Variants in TTLL5 observed in about 807,000 individuals in gnomAD.
The protein encoded by TTLL5 is tubulin tyrosine ligase like 5.
In TTLL5, 132 loss-of-function variants were observed where a neutral mutation model predicts 168.4. The observed-to-expected ratio is 0.78, with a 90% CI of 0.68 to 0.91. TTLL5 has a LOEUF of 0.91. Ranked by LOEUF, TTLL5 falls within the 40% of genes least tolerant of loss-of-function variation. The probability of loss-of-function intolerance (pLI) is 0.00; values close to 1 mark genes in which losing one functional copy is unlikely to be tolerated. For synonymous variants in TTLL5, 546 were observed against 558.6 expected (o/e 0.98, Z 0.32); for missense variants, 1,545 against 1,581.5 (o/e 0.98, Z 0.39).
chr14:75,934,114 G>C (rs765943550), intron 31 of TTLL5, among the ~76,000 whole-genome samples: 41 of 152,224 alleles, frequency 2.7e-4, no homozygotes, highest in Non-Finnish European at 2.5e-4. Context: ...AAAGCCATGA[G>C]AGCCTGAGAA....
At chr14:75,713,748 C>T (rs1887251754) in intron 9 of TTLL5, among the ~76,000 whole-genome samples, 1 of 152,162 alleles carries the variant, frequency 6.6e-6, no homozygotes, top group African/African-American at 2.4e-5. Flanking sequence ...TTAGTGCCAG[C>T]AGCTGATACT....
intron 31 of TTLL5, among the ~76,000 whole-genome samples, chr14:75,904,731 A>G (rs569736730): frequency 6.6e-5 from 10 of 152,144 alleles, no homozygotes; most frequent in Admixed American, 6.5e-4. Context: ...ATTCTTCTTC[A>G]TTGTTTAGGT....
chr14:75,772,004 A>G (rs1206348649), intron 21 of TTLL5, 150 bp downstream of exon 21: 2 of 900,946 alleles, frequency 2.2e-6, no homozygotes, highest in South Asian at 2.0e-5. Flanking sequence ...TTATAAATCT[A>G]TACTTACAAG....
intron 6 of TTLL5, among the ~76,000 whole-genome samples, chr14:75,696,057 A>G (rs1337252085): frequency 6.6e-6 from 1 of 151,506 alleles, no homozygotes; most frequent in Non-Finnish European, 1.5e-5. Flanking sequence ...ATGCCTGGCT[A>G]ATTTTTTTAT....
At chr14:75,877,574 G>A (rs528665477) in intron 29 of TTLL5, among the ~76,000 whole-genome samples, 1 of 152,352 alleles carries the variant, frequency 6.6e-6, no homozygotes, top group South Asian at 2.1e-4. Context: ...TATGCTGAGT[G>A]TATGTTGACT....
chr14:75,798,228 C>T (rs186417612), intron 27 of TTLL5, among the ~76,000 whole-genome samples: 38 of 152,108 alleles, frequency 2.5e-4, no homozygotes, highest in South Asian at 4.2e-4. Context: ...AGTTTGTGCA[C>T]GTAAAGGTGT....
chr14:75,814,260 T>A (rs944369041), intron 27 of TTLL5, among the ~76,000 whole-genome samples: 1 of 152,236 alleles, frequency 6.6e-6, no homozygotes, highest in Non-Finnish European at 1.5e-5. Flanking sequence ...AGTGGTGCTG[T>A]CTCTTCATGT....
chr14:75,745,584 G>A lies in TTLL5; in HGVS notation c.1487+3G>A. 6.2e-7 allele frequency: 1 copy of A among 1,612,660 alleles called. No homozygotes were observed. The highest frequency in any genetic ancestry group is 8.5e-7 in the Non-Finnish European group (1 of 1,179,074). On this transcript the variant is annotated splice_donor_region_variant and intron_variant, in intron 17 of 31. Coordinates refer to ENST00000298832, the MANE Select transcript of TTLL5 (RefSeq NM_015072.5). ...TCTGAGACATGGGAAATATATGGGT[G>A]AGGTGACTACCTTTTTTTTTTATTC...
chr14:75,865,751 G>T (rs1341366211), intron 29 of TTLL5, among the ~76,000 whole-genome samples: 3 of 152,124 alleles, frequency 2.0e-5, no homozygotes, highest in Non-Finnish European at 4.4e-5. Flanking sequence ...TACTATTCTT[G>T]TGTGGAATTT....
intron 14 of TTLL5, 92 bp downstream of exon 14, chr14:75,734,142 T>A: frequency 8.4e-7 from 1 of 1,189,012 alleles, no homozygotes; most frequent in Non-Finnish European, 1.3e-6. Flanking sequence ...AACTGGCAGG[T>A]CCTAAGCCAT....
intron 29 of TTLL5, among the ~76,000 whole-genome samples, chr14:75,864,415 T>A (rs916503791): frequency 6.6e-6 from 1 of 152,194 alleles, no homozygotes; most frequent in Non-Finnish European, 1.5e-5. Flanking sequence ...TTCTACTGTG[T>A]ACTAGGCACT....
At chr14:75,858,539 A>G (rs975751661) in intron 28 of TTLL5, among the ~76,000 whole-genome samples, 13 of 152,242 alleles carry the variant, frequency 8.5e-5, no homozygotes, top group Admixed American at 2.6e-4. Flanking sequence ...AAGAGCATCT[A>G]TCTGATAGAC....
intron 26 of TTLL5, among the ~76,000 whole-genome samples, chr14:75,790,040 C>A (rs1331362699): frequency 6.6e-6 from 1 of 152,098 alleles, no homozygotes; most frequent in Non-Finnish European, 1.5e-5. Flanking sequence ...TAGAAACAGT[C>A]ACACAAGAAG....
In TTLL5 at chr14:75,925,130, G is replaced by A. The variant is rs1226413149; in HGVS notation, c.3823+22906G>A. ...CCTCCCGGACGGGGCGGCTGGCCGG[G>A]CGGGTGGCTGACCCCCCCACCTCCC... On this transcript the variant is annotated intron_variant, in intron 31 of 31. Coordinates refer to ENST00000298832, the MANE Select transcript of TTLL5 (RefSeq NM_015072.5). Among the ~76,000 whole-genome samples the A allele has an allele frequency of 1.4e-5, 2 of 148,020 alleles. 1 individual carries two copies. Among genetic ancestry groups the A allele is most frequent in the Non-Finnish European group, 3.0e-5 (2 of 66,834 alleles).
intron 7 of TTLL5, among the ~76,000 whole-genome samples, chr14:75,701,037 C>T (rs961165531): frequency 1.3e-5 from 2 of 150,916 alleles, no homozygotes; most frequent in African/African-American, 4.9e-5. Context: ...TTCATGTTAA[C>T]TTTTCTCGCA....
intron 3 of TTLL5, among the ~76,000 whole-genome samples, chr14:75,672,354 C>T (rs1038131629): frequency 1.2e-4 from 19 of 152,152 alleles, no homozygotes; most frequent in African/African-American, 4.3e-4. Flanking sequence ...TCAAGCAATT[C>T]TCTGCCTCAG....
intron 19 of TTLL5, 89 bp downstream of exon 19, chr14:75,764,861 A>G (rs1373323940): frequency 4.8e-6 from 7 of 1,465,592 alleles, no homozygotes; most frequent in East Asian, 4.6e-5. Flanking sequence ...TTCATGAGTC[A>G]GAATCTTCCT....
In TTLL5 at chr14:75,669,484, C is replaced by A. The variant is rs777285094; in HGVS notation, c.143C>A (p.Ala48Asp). Residue 48 changes from alanine to aspartate, a missense_variant, in exon 3 of 32, where the codon GCT (alanine) becomes GAT (aspartate). Coordinates refer to ENST00000298832, the MANE Select transcript of TTLL5 (RefSeq NM_015072.5). ...CCAGTTTTGGTATTCCATGCCGACG[C>A]TATTCTTACAAAGGACAACAATATT... ...RIPVLVFHAD[A>D]ILTKDNNIRV... 6.2e-7 allele frequency: 1 copy of A among 1,614,128 alleles called. No homozygotes were observed. Among genetic ancestry groups the A allele is most frequent in the Non-Finnish European group, 8.5e-7 (1 of 1,179,968 alleles).
chr14:75,782,897 T>C (rs959749524), intron 25 of TTLL5, among the ~76,000 whole-genome samples: 1 of 152,198 alleles, frequency 6.6e-6, no homozygotes, highest in Non-Finnish European at 1.5e-5. Flanking sequence ...CTGCTCTGTT[T>C]CATAGAGGTA....
Sources: allele counts gnomAD v4.1 joint callset (sites outside exome capture counted in the v4.1 genomes callset), GRCh38; gene constraint gnomAD v4.1.1; transcripts MANE v1.5; gene names NCBI Gene and HGNC (gene_info 2026-07-23, HGNC 2026-07-21).